Variants in PRKACB observed in about 807,000 individuals in gnomAD.
PRKACB encodes protein kinase cAMP-activated catalytic subunit beta, also known as cAMP-dependent protein kinase catalytic subunit beta.
A neutral mutation model predicts 51.4 loss-of-function variants in PRKACB; 16 were observed. That is an observed-to-expected ratio of 0.31 (90% CI 0.21 to 0.47). The LOEUF (loss-of-function observed/expected upper bound fraction) is 0.47, where lower values mean the gene tolerates loss of function less well. Among genes scored for constraint, PRKACB ranks in the 20% least tolerant of loss-of-function variants. The pLI, the probability that PRKACB is intolerant of heterozygous loss-of-function variation, is 1.00. For missense variants in PRKACB, 309 were observed against 464.5 expected, an observed-to-expected ratio of 0.67 and a Z score of 3.08; for synonymous variants, 147 against 154.4, an observed-to-expected ratio of 0.95 and a Z score of 0.35.
intron 1 of PRKACB, among the ~76,000 whole-genome samples, chr1:84,122,997 C>A (rs1651218287): frequency 1.3e-5 from 2 of 152,114 alleles, no homozygotes; most frequent in Admixed American, 1.3e-4. Flanking sequence ...CACCTTCTGG[C>A]TGACTCCGTA....
intron 7 of PRKACB, among the ~76,000 whole-genome samples, chr1:84,198,740 A>G (rs1668898852): frequency 6.6e-6 from 1 of 151,378 alleles, no homozygotes. Flanking sequence ...TAGAAAATAC[A>G]GAAAAACATA....
At chr1:84,137,570 A>G (rs926521040) in intron 1 of PRKACB, among the ~76,000 whole-genome samples, 8 of 152,352 alleles carry the variant, frequency 5.3e-5, no homozygotes, top group Middle Eastern at 3.4e-3. Flanking sequence ...AAAAAATAAT[A>G]TAACTGTAGT....
intron 9 of PRKACB, among the ~76,000 whole-genome samples, chr1:84,220,294 TA>T (rs1031879087): frequency 7.2e-5 from 11 of 152,310 alleles, no homozygotes; most frequent in African/African-American, 2.4e-4. Flanking sequence ...ACTGATTTTT[TA>T]TGTTCATTTT....
intron 1 of PRKACB, among the ~76,000 whole-genome samples, chr1:84,091,523 A>G (rs1648467380): frequency 6.6e-6 from 1 of 151,958 alleles, no homozygotes; most frequent in African/African-American, 2.4e-5. Flanking sequence ...TGTTGTTTTG[A>G]GACAGGGTCT....
At chr1:84,089,317 CT>C (rs1271985187) in intron 1 of PRKACB, among the ~76,000 whole-genome samples, 1 of 152,152 alleles carries the variant, frequency 6.6e-6, no homozygotes, top group Non-Finnish European at 1.5e-5. Flanking sequence ...GAGGGTACCT[CT>C]TTCCCCCCTT....
chr1:84,164,193 A>G, intron 1 of PRKACB: 2 of 1,188,684 alleles, frequency 1.7e-6, no homozygotes, highest in South Asian at 4.3e-5. Context: ...ATAACACAGA[A>G]TGTTTAAATG....
rs775549901 is a variant in PRKACB at position 84,160,349 on chromosome 1, G to C, written c.187+15801G>C. On this transcript the variant is annotated intron_variant, in intron 1 of 9. Transcript: ENST00000370685. The stretch of plus-strand genomic sequence containing the variant: ...TATGATTGGGATAAGGTTGTTTATA[G>C]TATTCCTTTATAATCCTTTTAATTT... 1.2e-4 allele frequency among the ~76,000 whole-genome samples: 18 copies of C among 151,446 alleles called. 1 individual carries two copies. The highest frequency in any genetic ancestry group is 3.2e-3 in the Middle Eastern group (1 of 314).
intron 1 of PRKACB, among the ~76,000 whole-genome samples, chr1:84,079,350 T>C (rs919944676): frequency 6.6e-6 from 1 of 152,192 alleles, no homozygotes; most frequent in Admixed American, 6.5e-5. Flanking sequence ...GTGGGCCTGG[T>C]GATTTTAGTT....
chr1:84,158,085 TC>T (rs1212986673), intron 1 of PRKACB, among the ~76,000 whole-genome samples: 60 of 144,094 alleles, frequency 4.2e-4, no homozygotes, highest in Non-Finnish European at 8.7e-4. Context: ...TTTTTTTTTT[TC>T]CCCTCCTGAA....
At chr1:84,211,830 C>G (rs967047951) in intron 8 of PRKACB, among the ~76,000 whole-genome samples, 1 of 152,010 alleles carries the variant, frequency 6.6e-6, no homozygotes, top group African/African-American at 2.4e-5. Context: ...TAGCATAATG[C>G]CTAGCTTCTA....
intron 9 of PRKACB, among the ~76,000 whole-genome samples, chr1:84,224,072 T>A (rs1279682190): frequency 6.6e-6 from 1 of 152,158 alleles, no homozygotes; most frequent in African/African-American, 2.4e-5. Context: ...GTCTCTATGA[T>A]TTCTTCAGCT....
chr1:84,086,800 G>A (rs1280726729), intron 1 of PRKACB, among the ~76,000 whole-genome samples: 5 of 152,278 alleles, frequency 3.3e-5, no homozygotes, highest in Admixed American at 2.6e-4. Flanking sequence ...CTCCCAGCTA[G>A]CCTCCCGGGC....
chr1:84,130,280 A>G (rs1452783706), intron 1 of PRKACB, among the ~76,000 whole-genome samples: 1 of 151,916 alleles, frequency 6.6e-6, no homozygotes, highest in Non-Finnish European at 1.5e-5. Context: ...AAAAAAATCA[A>G]TGAAATTCCA....
At chr1:84,117,722 G>A (rs1026677008) in intron 1 of PRKACB, among the ~76,000 whole-genome samples, 2 of 151,924 alleles carry the variant, frequency 1.3e-5, no homozygotes, top group African/African-American at 4.8e-5. Flanking sequence ...TATCAATTTT[G>A]TTTGTCTTTT....
At chr1:84,174,946 A>G in intron 1 of PRKACB, 1 of 1,229,860 alleles carries the variant, frequency 8.1e-7, no homozygotes, top group Non-Finnish European at 1.1e-6. Flanking sequence ...TGTATATAGT[A>G]TTCTGAAAAA....
rs373316658 is a variant in PRKACB, at chr1:84,096,678, T to A, written c.46+18307T>A. 1.5e-3 allele frequency among the ~76,000 whole-genome samples: 227 copies of A among 152,232 alleles called. 6 individuals are homozygous for A. The South Asian group carries it at 0.045, about 30-fold the overall frequency. ...CCATTTCTACCAATATTTATGTTATTTTAACAAGAGTTTTTTTTATATATC... is the reference window on the plus strand; with the variant it reads ...CCATTTCTACCAATATTTATGTTATATTAACAAGAGTTTTTTTTATATATC... On this transcript the variant is annotated intron_variant, in intron 1 of 8. Coordinates refer to the PRKACB transcript ENST00000370688.
intron 5 of PRKACB, 27 bp from the exon 6 acceptor site, chr1:84,196,589 A>G: frequency 6.3e-7 from 1 of 1,598,078 alleles, no homozygotes; most frequent in Non-Finnish European, 8.5e-7. Context: ...ATTTTTACAG[A>G]AAATCAATGG....
chr1:84,234,751 C>G (rs1676452189), intron 9 of PRKACB, among the ~76,000 whole-genome samples: 1 of 152,242 alleles, frequency 6.6e-6, no homozygotes, highest in Admixed American at 6.5e-5. Context: ...CTGAGTGAGG[C>G]AATGCCTTGC....
At chr1:84,214,001 T>A in intron 8 of PRKACB, 152 bp from the exon 9 acceptor site, 1 of 689,462 alleles carries the variant, frequency 1.5e-6, no homozygotes. Context: ...CTGTGGGGAC[T>A]GTAACATGTA....
Sources: gnomAD v4.1 joint callset for allele counts (sites outside exome capture counted in the v4.1 genomes callset) on GRCh38, gnomAD v4.1.1 for gene constraint, MANE v1.5 for transcripts, NCBI Gene and HGNC (gene_info 2026-07-23, HGNC 2026-07-21) for gene names.